The following NELL1 variants were observed in gnomAD, a reference collection of about 807,000 sequenced individuals.
The protein encoded by NELL1 is protein kinase C-binding protein NELL1.
A neutral mutation model predicts 107.4 loss-of-function variants in NELL1; 76 were observed. The observed-to-expected ratio is 0.71, with a 90% confidence interval of 0.59 to 0.86. The LOEUF is 0.86. Among genes scored for constraint, NELL1 ranks in the 40% least tolerant of loss-of-function variants. The pLI is 0.00. For missense variants in NELL1, 1,024 were observed against 1,005.5 expected, an observed-to-expected ratio of 1.02 and a Z score of -0.25; for synonymous variants, 353 against 341.2, an observed-to-expected ratio of 1.03 and a Z score of -0.38.
chr11:21,226,452 A>G (rs558405377), intron 13 of NELL1, among the ~76,000 whole-genome samples: 2 of 152,320 alleles, frequency 1.3e-5, no homozygotes, highest in African/African-American at 2.4e-5. Flanking sequence ...TACCAGTTCT[A>G]TGATCTTAGG....
chr11:20,715,901 TAGG>T (rs1296857293), intron 2 of NELL1, among the ~76,000 whole-genome samples: 2 of 152,198 alleles, frequency 1.3e-5, no homozygotes, highest in Non-Finnish European at 2.9e-5. Context: ...GAAAGCATTG[TAGG>T]AGAATTAGAT....
At chr11:21,026,858 A>G (rs1852825656) in intron 12 of NELL1, among the ~76,000 whole-genome samples, 1 of 152,182 alleles carries the variant, frequency 6.6e-6, no homozygotes. Flanking sequence ...TAAGTATGAC[A>G]TAGGTCTGCA....
At chr11:20,729,253 A>G (rs1414349262) in intron 2 of NELL1, among the ~76,000 whole-genome samples, 4 of 152,088 alleles carry the variant, frequency 2.6e-5, no homozygotes, top group Non-Finnish European at 5.9e-5. Context: ...TTGTCAGTGA[A>G]GAGATAGTTT....
Position 21,232,152 on chromosome 11 carries a change from A to AT in NELL1, c.1549+2698_1549+2699insT, listed in dbSNP as rs1554985099. 2.6e-3 allele frequency among the ~76,000 whole-genome samples: 160 copies of AT among 61,982 alleles called. 4 individuals carry two copies. Among genetic ancestry groups the AT allele is most frequent in the African/African-American group, 0.011 (149 of 14,028 alleles). 40.7% of individuals were successfully genotyped at this position (61,982 alleles called of 152,430 possible). ...CCATCTCTACTAAAAAAAAATAAAA[A>AT]AAAAAAAATATATATATATATATAT... On this transcript the variant is annotated intron_variant, in intron 14 of 19. Coordinates refer to ENST00000357134, the MANE Select transcript of NELL1 (RefSeq NM_006157.5).
At chr11:21,221,356 T>C (rs1184407403) in intron 13 of NELL1, among the ~76,000 whole-genome samples, 9 of 152,192 alleles carry the variant, frequency 5.9e-5, no homozygotes, top group Admixed American at 5.9e-4. Flanking sequence ...CTTTGTAATG[T>C]TTTTGTCTGA....
At chr11:21,062,739 G>C (rs766957715) in intron 12 of NELL1, among the ~76,000 whole-genome samples, 5 of 152,164 alleles carry the variant, frequency 3.3e-5, no homozygotes, top group Non-Finnish European at 7.4e-5. Context: ...CCCTGGGCTT[G>C]ATAATTCATG....
intron 15 of NELL1, among the ~76,000 whole-genome samples, chr11:21,495,661 C>T (rs1337688317): frequency 6.6e-6 from 1 of 152,084 alleles, no homozygotes; most frequent in Non-Finnish European, 1.5e-5. Flanking sequence ...TACATCCTTA[C>T]CTATACTTGT....
At chr11:21,358,556 G>T (rs1850992989) in intron 14 of NELL1, among the ~76,000 whole-genome samples, 1 of 141,984 alleles carries the variant, frequency 7.0e-6, no homozygotes, top group African/African-American at 2.6e-5. Context: ...ATGCCACCAT[G>T]CCCTGATAAT....
At chr11:21,283,955 A>G (rs952939232) in intron 14 of NELL1, 4 of 330,254 alleles carry the variant, frequency 1.2e-5, no homozygotes, top group South Asian at 2.5e-5. Flanking sequence ...CACAGTGACT[A>G]TGATTCCTGG....
At chr11:20,783,128 A>G (rs568601661) in intron 2 of NELL1, among the ~76,000 whole-genome samples, 17 of 152,328 alleles carry the variant, frequency 1.1e-4, no homozygotes, top group Non-Finnish European at 1.9e-4. Context: ...AGTGCTAGTA[A>G]ATATCTGCTA....
intron 14 of NELL1, among the ~76,000 whole-genome samples, chr11:21,290,435 T>G (rs1849228713): frequency 1.2e-5 from 1 of 83,998 alleles, no homozygotes; most frequent in Non-Finnish European, 2.9e-5. Context: ...AAATAAATAT[T>G]CCTTCCTGCT....
At chr11:20,721,181 G>GTATATATATATATATATAGTGTA in intron 2 of NELL1, among the ~76,000 whole-genome samples, 1 of 125,844 alleles carries the variant, frequency 7.9e-6, no homozygotes, top group Non-Finnish European at 1.6e-5. Context: ...TATATTTTGT[G>GTATATATATATATATATAGTGTA]TATATATATA....
intron 15 of NELL1, among the ~76,000 whole-genome samples, chr11:21,384,518 C>T (rs1270835671): frequency 6.6e-6 from 1 of 151,748 alleles, no homozygotes; most frequent in Admixed American, 6.6e-5. Context: ...CATAGGTATA[C>T]ATGTGCCATG....
At chr11:21,401,914 T>C (rs764486072) in intron 15 of NELL1, among the ~76,000 whole-genome samples, 1 of 151,758 alleles carries the variant, frequency 6.6e-6, no homozygotes, top group Non-Finnish European at 1.5e-5. Flanking sequence ...AATGCAACAA[T>C]GTAGATATAG....
intron 4 of NELL1, among the ~76,000 whole-genome samples, chr11:20,859,893 T>C (rs1848948949): frequency 6.6e-6 from 1 of 152,210 alleles, no homozygotes; most frequent in Admixed American, 6.5e-5. Context: ...GACTTAACAC[T>C]GCAAACCTGG....
At chr11:20,702,375 G>T (rs1181928520) in intron 2 of NELL1, among the ~76,000 whole-genome samples, 1 of 151,708 alleles carries the variant, frequency 6.6e-6, no homozygotes, top group East Asian at 1.9e-4. Flanking sequence ...CTGAGACTTT[G>T]CTGAAGTTGC....
chr11:21,278,916 T>A (rs1395630880), intron 14 of NELL1, among the ~76,000 whole-genome samples: 1 of 152,120 alleles, frequency 6.6e-6, no homozygotes, highest in Non-Finnish European at 1.5e-5. Context: ...AGTGTAGTAC[T>A]GATGAAGAAT....
intron 2 of NELL1, among the ~76,000 whole-genome samples, chr11:20,780,850 C>T (rs1285965768): frequency 6.6e-6 from 1 of 152,028 alleles, no homozygotes; most frequent in Non-Finnish European, 1.5e-5. Flanking sequence ...GCCTGGTGTG[C>T]TCCTCTAGTA....
chr11:20,954,496 C>T (rs1159765702), intron 11 of NELL1, among the ~76,000 whole-genome samples: 5 of 152,106 alleles, frequency 3.3e-5, no homozygotes, highest in African/African-American at 4.8e-5. Flanking sequence ...TGATTGAGGC[C>T]ATAGGTGGTT....
Sources: allele counts gnomAD v4.1 joint callset (sites outside exome capture counted in the v4.1 genomes callset), GRCh38; gene constraint gnomAD v4.1.1; transcripts MANE v1.5; gene names NCBI Gene and HGNC (gene_info 2026-07-23, HGNC 2026-07-21).